SORCS2: variants seen among roughly 807,000 people sequenced by gnomAD.
The protein encoded by SORCS2 is sortilin related VPS10 domain containing receptor 2.
In SORCS2, 100 loss-of-function variants were observed where a neutral mutation model predicts 141.6. The ratio of observed to expected loss-of-function variants is 0.71; its 90% CI spans 0.60 to 0.83. SORCS2 has a LOEUF of 0.83. Ranked by LOEUF, SORCS2 falls within the 40% of genes least tolerant of loss-of-function variation. The probability of loss-of-function intolerance (pLI) is 0.00; values close to 1 mark genes in which losing one functional copy is unlikely to be tolerated. For synonymous variants in SORCS2, 789 were observed against 676.9 expected (o/e 1.17, Z -2.57); for missense variants, 1,646 against 1,560.2 (o/e 1.05, Z -0.93).
intron 2 of SORCS2, among the ~76,000 whole-genome samples, chr4:7,456,481 G>A (rs114138402): frequency 2.6e-5 from 4 of 151,642 alleles, no homozygotes; most frequent in Admixed American, 1.3e-4. Context: ...AGGGTGAGAG[G>A]GGGGGGGCCT....
Position 7,695,909 on chromosome 4 carries a change from TGGA to T in SORCS2, c.1592-1288_1592-1286del, listed in dbSNP as rs1326316144. On this transcript the variant is annotated intron_variant, in intron 11 of 26. Coordinates refer to ENST00000507866, the MANE Select transcript of SORCS2 (RefSeq NM_020777.3). ...ATGGATGGATGGATGGATGGATGGA[TGGA>T]TGGATGGATGGATTGGTGGGTGGGT... 3.6e-5 allele frequency among the ~76,000 whole-genome samples: 5 copies of T among 138,374 alleles called. 2 individuals are homozygous for T. The highest frequency in any genetic ancestry group is 4.3e-4 in the East Asian group (2 of 4,602). The allele number at this position is 138,374 out of a possible 152,430, so 90.8% of individuals were successfully genotyped here.
chr4:7,214,973 C>T (rs574188152), intron 1 of SORCS2, among the ~76,000 whole-genome samples: 85 of 151,702 alleles, frequency 5.6e-4, no homozygotes, highest in Admixed American at 1.6e-3. Context: ...GCTGGCAGTC[C>T]TCACGGCCCT....
rs141703011 is a variant in SORCS2, at chr4:7,677,071, C to G, written c.1341+842C>G. On this transcript the variant is annotated intron_variant, in intron 9 of 26. Transcript: ENST00000507866. ...ACTCGCTTGCTTTCACTTGCTTGCTCTCGCTCTCTGTCTCCCTGGAACCCA... is the reference window on the plus strand; with the variant it reads ...ACTCGCTTGCTTTCACTTGCTTGCTGTCGCTCTCTGTCTCCCTGGAACCCA... Among the ~76,000 whole-genome samples the G allele has an allele frequency of 7.4e-4, 113 of 152,124 alleles. 1 individual carries two copies. The East Asian group carries it at 0.016, about 22-fold the overall frequency.
chr4:7,497,662 G>A (rs550754366), intron 2 of SORCS2, among the ~76,000 whole-genome samples: 13 of 152,350 alleles, frequency 8.5e-5, no homozygotes, highest in African/African-American at 2.9e-4. Context: ...GGAACCACAC[G>A]TTTCACTCGC....
At chr4:7,631,571 T>C (rs1560440388) in intron 3 of SORCS2, among the ~76,000 whole-genome samples, 1 of 152,128 alleles carries the variant, frequency 6.6e-6, no homozygotes, top group Non-Finnish European at 1.5e-5. Flanking sequence ...TGAGGGGCCC[T>C]CTCTGCTCGG....
intron 1 of SORCS2, among the ~76,000 whole-genome samples, chr4:7,364,492 CG>C (rs1395205218): frequency 6.6e-6 from 1 of 152,056 alleles, no homozygotes; most frequent in East Asian, 1.9e-4. Context: ...CTGTGGGCTT[CG>C]GGGGCTTCAA....
intron 1 of SORCS2, among the ~76,000 whole-genome samples, chr4:7,270,294 C>T (rs1715029521): frequency 6.6e-6 from 1 of 152,260 alleles, no homozygotes; most frequent in Admixed American, 6.5e-5. Context: ...GGGTGCAGCA[C>T]CCGCCAGTGT....
At chr4:7,337,478 G>A (rs1720057825) in intron 1 of SORCS2, among the ~76,000 whole-genome samples, 1 of 152,124 alleles carries the variant, frequency 6.6e-6, no homozygotes, top group Non-Finnish European at 1.5e-5. Flanking sequence ...GTCGGGGAGA[G>A]TTCCAGGTAG....
chr4:7,387,487 A>C lies in SORCS2; in HGVS notation c.481-8801A>C, dbSNP rs918303294. Among the ~76,000 whole-genome samples the C allele has an allele frequency of 3.3e-5, 5 of 150,670 alleles. No individual in the cohort carries two copies. The East Asian group carries it at 7.8e-4, about 24-fold the overall frequency. ...GATACAGAGATACACATGCACATAC[A>C]TACACATGCACACAAATACAGGTAC... is the stretch of plus-strand genomic sequence containing the variant. On this transcript the variant is annotated intron_variant, in intron 1 of 26. Transcript: ENST00000507866.
chr4:7,489,050 C>T (rs888018306), intron 2 of SORCS2, among the ~76,000 whole-genome samples: 1 of 152,216 alleles, frequency 6.6e-6, no homozygotes, highest in Non-Finnish European at 1.5e-5. Flanking sequence ...CATGCTAAGG[C>T]TGGGGATACC....
At chr4:7,718,454 G>T (rs140313656) in intron 18 of SORCS2, among the ~76,000 whole-genome samples, 289 of 152,318 alleles carry the variant, frequency 1.9e-3, no homozygotes, top group Non-Finnish European at 3.2e-3. Context: ...AGGAGACGTG[G>T]TTTCACACAT....
chr4:7,727,835 C>G (rs1727329961), intron 21 of SORCS2, among the ~76,000 whole-genome samples: 2 of 152,170 alleles, frequency 1.3e-5, no homozygotes, highest in Non-Finnish European at 2.9e-5. Context: ...GGCTTTGAGC[C>G]ATGGACTATG....
At chr4:7,403,997 A>ATATATATATATATATATTTTTT (rs1265288820) in intron 2 of SORCS2, among the ~76,000 whole-genome samples, 3 of 18,988 alleles carry the variant, frequency 1.6e-4, no homozygotes, top group Non-Finnish European at 3.7e-4. Context: ...ATATATATAT[A>ATATATATATATATATATTTTTT]TTTTTTTTTT....
chr4:7,715,431 AAG>A, intron 17 of SORCS2, 120 bp downstream of exon 17: 1 of 1,434,124 alleles, frequency 7.0e-7, no homozygotes, highest in South Asian at 1.4e-5. Flanking sequence ...GAGTCGGGGA[AAG>A]AGAGGTCAAA....
chr4:7,386,418 C>G (rs1468818297), intron 1 of SORCS2, among the ~76,000 whole-genome samples: 1 of 113,978 alleles, frequency 8.8e-6, no homozygotes, highest in African/African-American at 3.6e-5. Context: ...CACACGCACA[C>G]ATGCACACAC....
At chr4:7,734,980 C>T (rs1470906130) in intron 25 of SORCS2, among the ~76,000 whole-genome samples, 3 of 152,234 alleles carry the variant, frequency 2.0e-5, no homozygotes, top group African/African-American at 7.2e-5. Context: ...ACCTCTCTTT[C>T]CTTCTGAGCC....
intron 3 of SORCS2, among the ~76,000 whole-genome samples, chr4:7,583,106 C>T (rs1326681364): frequency 1.3e-5 from 2 of 152,224 alleles, no homozygotes; most frequent in Non-Finnish European, 2.9e-5. Flanking sequence ...AGGCCCTGCC[C>T]AGGTCAGCCT....
chr4:7,246,458 G>T (rs1330852244), intron 1 of SORCS2, among the ~76,000 whole-genome samples: 1 of 122,832 alleles, frequency 8.1e-6, no homozygotes, highest in Admixed American at 7.5e-5. Context: ...CATCTCACCT[G>T]GGGCTTAAAT....
At position 7,359,424 on chromosome 4, in the gene SORCS2, G is replaced by A. The variant is rs539851268; in HGVS notation, c.481-36864G>A. The stretch of plus-strand genomic sequence containing the variant: ...GCTGAAACTACAGGCATGAGCCAAC[G>A]TGCCTGGCCCAAGTAATTTATTTTC... On this transcript the variant is annotated intron_variant, in intron 1 of 26. Coordinates refer to ENST00000507866, the MANE Select transcript of SORCS2 (RefSeq NM_020777.3). 6.6e-5 allele frequency among the ~76,000 whole-genome samples: 10 copies of A among 152,348 alleles called. No homozygotes were observed. In the South Asian group the frequency reaches 1.4e-3, roughly 22 times the overall value.
Sources: gnomAD v4.1 joint callset for allele counts (sites outside exome capture counted in the v4.1 genomes callset) on GRCh38, gnomAD v4.1.1 for gene constraint, MANE v1.5 for transcripts, NCBI Gene and HGNC (gene_info 2026-07-23, HGNC 2026-07-21) for gene names.